RYR2: variants seen among roughly 807,000 people sequenced by gnomAD.
RYR2 encodes the protein cardiac muscle ryanodine receptor-calcium release channel.
In RYR2, 227 loss-of-function variants were observed where a neutral mutation model predicts 601.1. The observed-to-expected ratio is 0.38, with a 90% CI of 0.34 to 0.42. The LOEUF is 0.42. Among genes scored for constraint, RYR2 ranks in the 10% least tolerant of loss-of-function variants. The pLI is 1.00. For synonymous variants in RYR2, 2,223 were observed against 2,175.1 expected (o/e 1.02, Z -0.61); for missense variants, 4,646 against 6,156.5 (o/e 0.75, Z 8.21).
intron 1 of RYR2, among the ~76,000 whole-genome samples, chr1:237,187,040 G>C (rs12749494): frequency 0.34 from 51,235 of 152,016 alleles, 8,710 homozygotes; most frequent in East Asian, 0.49. Flanking sequence ...AGCTTTTTGC[G>C]AACTCTGAAA....
intron 1 of RYR2, among the ~76,000 whole-genome samples, chr1:237,182,560 T>A (rs1237893570): frequency 1.3e-5 from 2 of 152,214 alleles, no homozygotes; most frequent in Non-Finnish European, 2.9e-5. Flanking sequence ...AACAATCTAT[T>A]TTTAGATTTG....
intron 1 of RYR2, among the ~76,000 whole-genome samples, chr1:237,048,812 G>A (rs1218701545): frequency 2.0e-5 from 3 of 152,170 alleles, no homozygotes; most frequent in Non-Finnish European, 4.4e-5. Context: ...TACAAGGACA[G>A]ACTTGAGAGA....
At chr1:237,419,888 A>G (rs564898291) in intron 11 of RYR2, among the ~76,000 whole-genome samples, 135 of 152,304 alleles carry the variant, frequency 8.9e-4, no homozygotes, top group Middle Eastern at 3.4e-3. Flanking sequence ...CATGTCTTAT[A>G]TGCAATGGCC....
chr1:237,777,759 A>T (rs921970156), intron 87 of RYR2, among the ~76,000 whole-genome samples: 2 of 152,258 alleles, frequency 1.3e-5, no homozygotes, highest in African/African-American at 4.8e-5. Context: ...GCACAATAAC[A>T]TCTTAACAAG....
intron 48 of RYR2, among the ~76,000 whole-genome samples, chr1:237,646,532 G>GTAATAA (rs1682176857): frequency 1.3e-5 from 2 of 152,100 alleles, no homozygotes; most frequent in Admixed American, 1.3e-4. Context: ...CCAAGTAGCA[G>GTAATAA]TAATAATGGT....
chr1:237,662,534 T>TA (rs1683905171), intron 56 of RYR2, among the ~76,000 whole-genome samples: 1 of 151,984 alleles, frequency 6.6e-6, no homozygotes, highest in Non-Finnish European at 1.5e-5. Context: ...AATAAGAAAT[T>TA]ACTACAAATG....
At chr1:237,223,189 A>G (rs1485984188) in intron 1 of RYR2, among the ~76,000 whole-genome samples, 2 of 152,208 alleles carry the variant, frequency 1.3e-5, no homozygotes, top group African/African-American at 4.8e-5. Context: ...CAGAATACCA[A>G]ATGGAAAGAA....
intron 45 of RYR2, 122 bp downstream of exon 45, chr1:237,638,614 C>G: frequency 9.3e-7 from 1 of 1,071,462 alleles, no homozygotes; most frequent in Admixed American, 2.5e-5. Flanking sequence ...ATTTTATAAT[C>G]GATAGGGGTT....
chr1:237,674,341 A>G lies in RYR2; in HGVS notation c.8714+122A>G, dbSNP rs1041742406. The G allele has an allele frequency of 1.2e-5, 9 of 757,816 alleles. No individual in the cohort carries two copies. The African/African-American group carries it at 1.4e-4, about 12-fold the overall frequency. The allele number at this position is 757,816 out of a possible 1,614,324, so 46.9% of individuals were successfully genotyped here. A position where few individuals can be genotyped will look rare whatever the true frequency, so the allele number is the denominator to read the frequency against. ...TGTTTACACTTTTGAGGTACTGTTT[A>G]ATATGTTTAAAATACACACATCAGA... On this transcript the variant is annotated intron_variant, in intron 59 of 104. Transcript: ENST00000366574.
At chr1:237,416,292 A>G (rs1030115050) in intron 10 of RYR2, among the ~76,000 whole-genome samples, 10 of 152,196 alleles carry the variant, frequency 6.6e-5, no homozygotes, top group Admixed American at 6.5e-4. Context: ...CAGACCCTAT[A>G]GAGAGGAAGA....
chr1:237,096,493 C>T (rs1558225884), intron 1 of RYR2, among the ~76,000 whole-genome samples: 3 of 152,162 alleles, frequency 2.0e-5, no homozygotes, highest in Non-Finnish European at 2.9e-5. Context: ...CACAGGACCA[C>T]ACTGGTTTCA....
At chr1:237,792,579 G>A (rs1218363275) in intron 94 of RYR2, among the ~76,000 whole-genome samples, 1 of 152,090 alleles carries the variant, frequency 6.6e-6, no homozygotes, top group Non-Finnish European at 1.5e-5. Context: ...GACACAGCAG[G>A]TGCCGTCTCC....
chr1:237,441,244 T>TA (rs1428051426), intron 12 of RYR2, 75 bp from the exon 13 acceptor site: 14 of 1,537,146 alleles, frequency 9.1e-6, no homozygotes, highest in Non-Finnish European at 1.2e-5. Flanking sequence ...ATATTTGCAA[T>TA]AAGGCAAAAT....
chr1:237,730,520 GA>G (rs761630623), intron 77 of RYR2, among the ~76,000 whole-genome samples, 164 bp downstream of exon 77: 79 of 152,180 alleles, frequency 5.2e-4, no homozygotes, highest in Non-Finnish European at 9.1e-4. Flanking sequence ...ATGCTTATGG[GA>G]AAATGTGCTC....
At position 237,305,294 on chromosome 1, in the gene RYR2, AAATG is replaced by A. The variant is rs768388306; in HGVS notation, c.169-25579_169-25576del. Among the ~76,000 whole-genome samples the A allele has an allele frequency of 2.0e-5, 3 of 152,342 alleles. No homozygotes were observed. The South Asian group carries it at 6.2e-4, about 32-fold the overall frequency. On this transcript the variant is annotated intron_variant, in intron 2 of 104. Coordinates refer to ENST00000366574, the MANE Select transcript of RYR2 (RefSeq NM_001035.3). Reference sequence around the variant, plus strand: ...TGCAGCGGATGACTCTGAGCAATAAAAATGAATGGGCCACAGGAGTCCACATCCA... The same window carrying A: ...TGCAGCGGATGACTCTGAGCAATAAAAATGGGCCACAGGAGTCCACATCCA...
chr1:237,409,471 ATATCT>A (rs1572193846), intron 10 of RYR2, among the ~76,000 whole-genome samples: 1 of 152,054 alleles, frequency 6.6e-6, no homozygotes, highest in South Asian at 2.1e-4. Context: ...TGGTTCAGTG[ATATCT>A]TAATTACCTT....
chr1:237,444,754 T>C (rs529711647), intron 13 of RYR2, among the ~76,000 whole-genome samples: 1 of 152,216 alleles, frequency 6.6e-6, no homozygotes, highest in Non-Finnish European at 1.5e-5. Flanking sequence ...TTAAGATTTT[T>C]GCATTTCTCT....
chr1:237,591,951 A>G (rs954700114), intron 32 of RYR2, 98 bp downstream of exon 32: 3 of 859,330 alleles, frequency 3.5e-6, no homozygotes, highest in Admixed American at 5.9e-5. Context: ...TAGTAACATT[A>G]TTTTTAAAAT....
chr1:237,519,887 A>G (rs1042964719), intron 24 of RYR2, among the ~76,000 whole-genome samples: 6 of 152,108 alleles, frequency 3.9e-5, no homozygotes, highest in African/African-American at 1.4e-4. Flanking sequence ...TCATTTTAAC[A>G]ATACTGATTC....
Sources: allele counts gnomAD v4.1 joint callset (sites outside exome capture counted in the v4.1 genomes callset), GRCh38; gene constraint gnomAD v4.1.1; transcripts MANE v1.5; gene names NCBI Gene and HGNC (gene_info 2026-07-23, HGNC 2026-07-21).